The following MED13 variants were observed in gnomAD, a reference collection of about 807,000 sequenced individuals.
MED13 encodes the protein mediator complex subunit 13, also known as mediator of RNA polymerase II transcription subunit 13.
MED13 carries 23 observed loss-of-function variants against 225.2 expected under a neutral mutation model. The ratio of observed to expected loss-of-function variants is 0.10; its 90% CI spans 0.07 to 0.14. The LOEUF is 0.14. MED13 is among the 10% of genes least tolerant of loss of function. MED13 has a pLI of 1.00. For synonymous variants in MED13, 942 were observed against 889.2 expected (o/e 1.06, Z -1.06); for missense variants, 2,197 against 2,594.5 (o/e 0.85, Z 3.33).
rs76826055 is a variant in MED13, at chr17:61,952,578, C to T, written c.6117+387G>A. 2.1e-3 allele frequency among the ~76,000 whole-genome samples: 324 copies of T among 152,230 alleles called. 2 individuals carry two copies. Among genetic ancestry groups the T allele is most frequent in the Admixed American group, 5.8e-3 (89 of 15,292 alleles). ...AATGTGCAATTCAAAGTACTGATGT[C>T]CATGATGTAGAAATGCATGAATGTA... On this transcript the variant is annotated intron_variant, in intron 27 of 29. Transcript: ENST00000397786.
intron 2 of MED13, among the ~76,000 whole-genome samples, chr17:62,059,739 G>C (rs2081023361): frequency 6.6e-6 from 1 of 152,096 alleles, no homozygotes; most frequent in African/African-American, 2.4e-5. Context: ...GCTGTCCCTA[G>C]AGCAAAGAAA....
chr17:62,016,181 A>C (rs72843781), intron 8 of MED13, among the ~76,000 whole-genome samples: 42,471 of 146,558 alleles, frequency 0.29, 7,385 homozygotes, highest in East Asian at 0.53. Flanking sequence ...ACAACAACAA[A>C]AAAAAAAACC....
At chr17:61,995,832 A>G (rs973689063) in intron 9 of MED13, among the ~76,000 whole-genome samples, 3 of 152,158 alleles carry the variant, frequency 2.0e-5, no homozygotes, top group African/African-American at 7.2e-5. Context: ...GAGTAGATAT[A>G]CTTTAAGTTT....
In MED13 at chr17:61,960,955, G is replaced by A. The variant is rs1215750116; in HGVS notation, c.5392C>T (p.His1798Tyr). The change falls in exon 23 of 30, where the codon CAT (histidine) becomes TAT (tyrosine). Residue 1798 changes from histidine to tyrosine, a missense_variant. By Grantham distance (83) the His-to-Tyr change is moderately conservative. Coordinates refer to ENST00000397786, the MANE Select transcript of MED13 (RefSeq NM_005121.3). ...GATGCAAGAATCCACCTTTGATCATGTGATAAACAGTATCCCACAAAAAGA... is the reference window on the plus strand; with the variant it reads ...GATGCAAGAATCCACCTTTGATCATATGATAAACAGTATCCCACAAAAAGA... The part of the protein sequence containing the change: ...NVLFVGYCLS[H>Y]DQRWILASCT... The A allele has an allele frequency of 6.2e-7, 1 of 1,613,862 alleles. No individual in the cohort carries two copies. The highest frequency in any genetic ancestry group is 8.5e-7 in the Non-Finnish European group (1 of 1,179,918).
At chr17:62,029,769 T>C (rs985015322) in intron 7 of MED13, 82 bp downstream of exon 7, 1 of 1,513,540 alleles carries the variant, frequency 6.6e-7, no homozygotes, top group Non-Finnish European at 9.0e-7. Flanking sequence ...ATCAAACAAA[T>C]GACTGTTTAT....
chr17:61,966,715 A>G (rs1182260421), intron 18 of MED13, 64 bp from the exon 19 acceptor site: 3 of 1,073,358 alleles, frequency 2.8e-6, no homozygotes, highest in Non-Finnish European at 3.8e-6. Context: ...TACACATTAT[A>G]AAACCAACCA....
Position 62,010,745 on chromosome 17 carries a change from T to C in MED13, c.1772A>G (p.Gln591Arg), listed in dbSNP as rs1365803077. Residue 591 changes from glutamine to arginine, a missense_variant, in exon 9 of 30, where the codon CAG becomes CGG. Physicochemically the swap from Gln to Arg is conservative, Grantham distance 43. Transcript: ENST00000397786. Reference protein sequence around the residue: ...SLSQSFPPQYQEAVEPTVYVG... With the variant: ...SLSQSFPPQYREAVEPTVYVG... ...ATATACTGTAGGTTCTACAGCTTCC[T>C]GATATTGAGGTGGGAAAGACTGGGA... The C allele has an allele frequency of 1.9e-6, 3 of 1,613,828 alleles. No individual in the cohort carries two copies. Among genetic ancestry groups the C allele is most frequent in the East Asian group, 2.2e-5 (1 of 44,888 alleles).
In MED13 at chr17:62,033,988, G is replaced by GA; in HGVS notation, c.617-5dup. ...AGTCCAAATGGGCATAAGATAACTAGAAACCCAAAGCAGACATCAAATAAG... is the reference window on the plus strand; with the variant it reads ...AGTCCAAATGGGCATAAGATAACTAGAAAACCCAAAGCAGACATCAAATAAG... On this transcript the variant is annotated splice_polypyrimidine_tract_variant and splice_region_variant and intron_variant, in intron 4 of 29. Transcript: ENST00000397786. 2 of 1,612,572 alleles carry GA rather than the reference G, an allele frequency of 1.2e-6. No individual in the cohort carries two copies. The highest frequency in any genetic ancestry group is 1.7e-6 in the Non-Finnish European group (2 of 1,179,170).
rs62070667 is a variant in MED13, at chr17:62,014,569, G to A, written c.1284-3336C>T. Reference sequence around the variant, plus strand: ...TGACCTCAAAAGATCTACCCACCTCGGCCTCCCAAAATGCTGGGATTACAG... The same window carrying A: ...TGACCTCAAAAGATCTACCCACCTCAGCCTCCCAAAATGCTGGGATTACAG... On this transcript the variant is annotated intron_variant, in intron 8 of 29. Coordinates refer to ENST00000397786, the MANE Select transcript of MED13 (RefSeq NM_005121.3). Among the ~76,000 whole-genome samples, 14 of 152,116 alleles carry A rather than the reference G, an allele frequency of 9.2e-5. No individual in the cohort carries two copies. In the East Asian group the frequency reaches 1.7e-3, roughly 19 times the overall value.
chr17:61,996,824 AG>A (rs1352573544), intron 9 of MED13, among the ~76,000 whole-genome samples: 9 of 152,198 alleles, frequency 5.9e-5, no homozygotes, highest in African/African-American at 2.2e-4. Context: ...AGAACATAAA[AG>A]CTCCACAAGG....
At chr17:62,015,440 CA>C (rs530200010) in intron 8 of MED13, among the ~76,000 whole-genome samples, 1 of 151,654 alleles carries the variant, frequency 6.6e-6, no homozygotes, top group African/African-American at 2.4e-5. Flanking sequence ...GGCTGTTTAT[CA>C]AAAAAACAAT....
In MED13 at chr17:61,990,627, G is replaced by GTGTATATATA. The variant is rs906431943; in HGVS notation, c.2263+1912_2263+1913insTATATATACA. ...TACACACACACACTTGGCGCACTGT[G>GTGTATATATA]TATATATATATATATATATATATAC... On this transcript the variant is annotated intron_variant, in intron 11 of 29. Transcript: ENST00000397786. Among the ~76,000 whole-genome samples, 243 of 139,000 alleles carry GTGTATATATA rather than the reference G, an allele frequency of 1.7e-3. 2 individuals carry two copies. Among genetic ancestry groups the GTGTATATATA allele is most frequent in the African/African-American group, 6.2e-3 (225 of 36,360 alleles). The allele number at this position is 139,000 out of a possible 152,430, so 91.2% of individuals were successfully genotyped here.
chr17:62,004,373 GA>G (rs2080425628), intron 9 of MED13: 1 of 152,158 alleles, frequency 6.6e-6, no homozygotes, highest in Non-Finnish European at 1.5e-5. Context: ...CAGCATACAG[GA>G]TAGGCAGTGA....
At chr17:61,962,713 TTTTACATAA>T in intron 21 of MED13, 30 bp downstream of exon 21, 1 of 1,569,236 alleles carries the variant, frequency 6.4e-7, no homozygotes, top group Non-Finnish European at 8.8e-7. Flanking sequence ...CATTAAACTG[TTTTACATAA>T]TTTTAACTCA....
At chr17:61,978,157 T>C (rs1183472260) in intron 16 of MED13, among the ~76,000 whole-genome samples, 7 of 152,174 alleles carry the variant, frequency 4.6e-5, no homozygotes, top group Non-Finnish European at 8.8e-5. Flanking sequence ...CTGCCTTTTT[T>C]TTTTTTTCTT....
chr17:62,013,446 T>G (rs1363692838), intron 8 of MED13, among the ~76,000 whole-genome samples: 3 of 152,138 alleles, frequency 2.0e-5, no homozygotes, highest in East Asian at 3.8e-4. Flanking sequence ...TCTCAATAAC[T>G]ATAGAAAAAA....
Position 61,946,988 on chromosome 17 carries a change from C to T in MED13, c.6321G>A (p.Val2107=). 6.2e-7 allele frequency: 1 copy of T among 1,614,040 alleles called. No individual in the cohort carries two copies. The highest frequency in any genetic ancestry group is 1.1e-5 in the South Asian group (1 of 91,072). ...KASLHLHVPS[V]QSDELLHSKH... is the part of the protein sequence containing the mutation. The stretch of plus-strand genomic sequence containing the variant: ...TACTGTGAAGCAGCTCGTCAGATTG[C>T]ACTGAAGGCACGTGGAGGTGCAAAG... The change falls in exon 29 of 30, where the codon GTG becomes GTA. Residue 2107 remains valine, a synonymous_variant. Transcript: ENST00000397786.
intron 11 of MED13, among the ~76,000 whole-genome samples, chr17:61,987,587 A>G (rs1394284088): frequency 6.6e-6 from 1 of 152,032 alleles, no homozygotes; most frequent in Non-Finnish European, 1.5e-5. Context: ...GTTTTTATAG[A>G]AAAAAAAGTT....
chr17:61,946,689 A>G (rs186813289), intron 29 of MED13, 89 bp from the exon 30 acceptor site: 1 of 1,485,126 alleles, frequency 6.7e-7, no homozygotes, highest in East Asian at 2.3e-5. Context: ...TAAGACTCAA[A>G]GTCACCTTAA....
Sources: gnomAD v4.1 joint callset for allele counts (sites outside exome capture counted in the v4.1 genomes callset) on GRCh38, gnomAD v4.1.1 for gene constraint, MANE v1.5 for transcripts, NCBI Gene and HGNC (gene_info 2026-07-23, HGNC 2026-07-21) for gene names.